KLC2: variants seen among roughly 807,000 people sequenced by gnomAD.
KLC2 encodes kinesin light chain 2.
In KLC2, 35 loss-of-function variants were observed where a neutral mutation model predicts 75.1. The observed-to-expected ratio is 0.47, with a 90% CI of 0.36 to 0.62. The LOEUF (loss-of-function observed/expected upper bound fraction) is 0.62, where lower values mean the gene tolerates loss of function less well. Among genes scored for constraint, KLC2 ranks in the 20% least tolerant of loss-of-function variants. The probability of loss-of-function intolerance (pLI) is 0.00; values close to 1 mark genes in which losing one functional copy is unlikely to be tolerated. For synonymous variants in KLC2, 314 were observed against 336.7 expected (o/e 0.93, Z 0.74); for missense variants, 611 against 833.2 (o/e 0.73, Z 3.28).
rs1235135771 is a variant in KLC2 at position 66,264,177 on chromosome 11, C to T, written c.1074C>T (p.Leu358=). 2.0e-5 allele frequency: 31 copies of T among 1,571,482 alleles called. No homozygotes were observed. Among genetic ancestry groups the T allele is most frequent in the Admixed American group, 3.8e-5 (2 of 53,122 alleles). ...CACTGGAGATCTATGCTACACGCCT[C>T]GGGCCCGATGACCCCAATGTGGCCA... ...RRALEIYATR[L]GPDDPNVAKT... is the part of the protein sequence containing the mutation. Residue 358 remains leucine, a synonymous_variant, in exon 8 of 16, where the codon CTC becomes CTT. Transcript: ENST00000394067.
chr11:66,258,588 C>T lies in KLC2; in HGVS notation c.-7C>T. On this transcript the variant is annotated 5_prime_UTR_variant, in exon 2 of 16. Transcript: ENST00000394067. ...CCCGCACCCTCGTCCTCACAGACGC[C>T]ACAGCCATGGCCATGATGGTGTTTC... 1 of 1,606,426 alleles carries T rather than the reference C, an allele frequency of 6.2e-7. No individual in the cohort carries two copies. The highest frequency in any genetic ancestry group is 1.1e-5 in the South Asian group (1 of 90,938).
the KLC2 span, among the ~76,000 whole-genome samples, chr11:66,247,041 C>T: frequency 3.6e-4 from 55 of 152,270 alleles, no homozygotes; most frequent in East Asian, 7.0e-3. Context: ...GAAATGTGCT[C>T]CCCTGGGGAG....
the KLC2 span, among the ~76,000 whole-genome samples, chr11:66,251,178 G>C: frequency 3.3e-5 from 5 of 152,212 alleles, no homozygotes; most frequent in South Asian, 1.0e-3. Context: ...GAATTAATAG[G>C]TTTTGGTAGC....
chr11:66,261,601 A>G (rs1856423568), intron 2 of KLC2, 141 bp from the exon 3 acceptor site: 1 of 604,076 alleles, frequency 1.7e-6, no homozygotes, highest in Non-Finnish European at 2.9e-6. Flanking sequence ...TCCCTTGACA[A>G]GCAGAGAAAA....
At chr11:66,265,592 C>A in intron 11 of KLC2, 63 bp from the exon 12 acceptor site, 1 of 1,364,130 alleles carries the variant, frequency 7.3e-7, no homozygotes, top group Non-Finnish European at 1.0e-6. Context: ...CCACTGTGGG[C>A]TGGGTGCCAG....
At position 66,266,999 on chromosome 11, in the gene KLC2, C is replaced by T. The variant is rs753417076; in HGVS notation, c.*43C>T. ...GTCACCAGAGCGCCCACCTGGCACA[C>T]CCCCCTCACCCCAGCCCTGCGCATG... On this transcript the variant is annotated 3_prime_UTR_variant, in exon 16 of 16. Coordinates refer to ENST00000394067, the MANE Select transcript of KLC2 (RefSeq NM_001318734.2). 1.9e-6 allele frequency: 3 copies of T among 1,604,946 alleles called. No homozygotes were observed. The highest frequency in any genetic ancestry group is 2.5e-6 in the Non-Finnish European group (3 of 1,178,994).
Position 66,267,509 on chromosome 11 carries a change from C to A in KLC2, c.*553C>A. On this transcript the variant is annotated 3_prime_UTR_variant, in exon 16 of 16. Transcript: ENST00000394067. ...GGGAGCGGCGCCTCCCAAGGGGGTC[C>A]TGGGACCTTCTCGCGCTCCTCCTGG... 1 of 679,988 alleles carries A rather than the reference C, an allele frequency of 1.5e-6. No homozygotes were observed. Among genetic ancestry groups the A allele is most frequent in the Non-Finnish European group, 2.7e-6 (1 of 364,372 alleles). The allele number at this position is 679,988 out of a possible 1,614,324, so 42.1% of individuals were successfully genotyped here. A position where few individuals can be genotyped will look rare whatever the true frequency, so the allele number is the denominator to read the frequency against.
At chr11:66,256,995 C>T (rs1213538391), upstream of KLC2, among the ~76,000 whole-genome samples, 3 of 152,168 alleles carry the variant, frequency 2.0e-5, no homozygotes, top group African/African-American at 7.2e-5. Flanking sequence ...CCAGGGGCAG[C>T]CCAGGGAAGA....
At chr11:66,252,904 TGTCCAAGGTAG>T (rs1855975565), upstream of KLC2, among the ~76,000 whole-genome samples, 1 of 151,846 alleles carries the variant, frequency 6.6e-6, no homozygotes, top group East Asian at 1.9e-4. Context: ...CAACTAGTGG[TGTCCAAGGTAG>T]ACAAGGGCCC....
the KLC2 span, among the ~76,000 whole-genome samples, chr11:66,245,703 A>C: frequency 3.4e-5 from 5 of 148,798 alleles, no homozygotes; most frequent in African/African-American, 1.3e-4. Flanking sequence ...CGACACAGCG[A>C]GACTCCGTCT....
chr11:66,254,432 G>A (rs757152387), upstream of KLC2, among the ~76,000 whole-genome samples: 15 of 152,012 alleles, frequency 9.9e-5, no homozygotes, highest in East Asian at 1.9e-4. Context: ...TTGGGAGGCC[G>A]AGGTGGGATG....
At chr11:66,255,163 C>T (rs940789729), upstream of KLC2, among the ~76,000 whole-genome samples, 12 of 152,172 alleles carry the variant, frequency 7.9e-5, no homozygotes, top group Non-Finnish European at 1.8e-4. Context: ...GCAGACTTAC[C>T]AAAATGCAAT....
At chr11:66,261,132 T>C (rs1856383473) in intron 2 of KLC2, 1 of 150,176 alleles carries the variant, frequency 6.7e-6, no homozygotes, top group Non-Finnish European at 1.5e-5. Flanking sequence ...AGGAAGAGAC[T>C]GGAAACTAAG....
upstream of KLC2, among the ~76,000 whole-genome samples, chr11:66,255,271 A>G (rs1190059152): frequency 6.6e-6 from 1 of 151,850 alleles, no homozygotes; most frequent in Non-Finnish European, 1.5e-5. Flanking sequence ...GCTCACTGCA[A>G]CCTCCACCTC....
At chr11:66,266,066 C>T in intron 13 of KLC2, 27 bp from the exon 14 acceptor site, 2 of 1,613,922 alleles carry the variant, frequency 1.2e-6, no homozygotes, top group South Asian at 1.1e-5. Flanking sequence ...GCCAGCGGGG[C>T]CTAGAGGCAA....
chr11:66,266,649 A>G lies in KLC2; in HGVS notation c.1785+159A>G, dbSNP rs75648128. On this transcript the variant is annotated intron_variant, in intron 15 of 15. Transcript: ENST00000394067. ...CAACGGGGAGACACGAGGGGAACCC[A>G]GCCTCTCCTGGGGGTGGACGTGTAA... 1,709 of 891,284 alleles carry G rather than the reference A, an allele frequency of 1.9e-3. 42 individuals carry two copies. In the East Asian group the frequency reaches 0.038, roughly 20 times the overall value. The allele number at this position is 891,284 out of a possible 1,614,324, so 55.2% of individuals were successfully genotyped here. A position where few individuals can be genotyped will look rare whatever the true frequency, so the allele number is the denominator to read the frequency against.
At chr11:66,262,752 C>T in intron 4 of KLC2, 62 bp from the exon 5 acceptor site, 2 of 1,231,122 alleles carry the variant, frequency 1.6e-6, no homozygotes, top group East Asian at 2.3e-5. Context: ...GCACAGCTGG[C>T]ATGTGCCATC....
At chr11:66,266,677 G>A (rs769588241) in intron 15 of KLC2, 187 bp downstream of exon 15, 18 of 845,272 alleles carry the variant, frequency 2.1e-5, no homozygotes, top group African/African-American at 5.0e-5. Context: ...ACGTGTAAAC[G>A]GCCAGTGCTA....
rs1426713834 is a variant in KLC2, at chr11:66,257,811, G to GCGGGTC, written c.-66_-61dup. 6.5e-6 allele frequency: 1 copy of GCGGGTC among 152,778 alleles called. No homozygotes were observed. Among genetic ancestry groups the GCGGGTC allele is most frequent in the Non-Finnish European group, 1.5e-5 (1 of 68,488 alleles). The allele number at this position is 152,778 out of a possible 1,614,324, so 9.5% of individuals were successfully genotyped here. The stretch of plus-strand genomic sequence containing the variant: ...GAGGCGGCGGGACCGGCTCGCGGGT[G>GCGGGTC]CGGGTCCGGGTGAAGCGGGAGGCAG... On this transcript the variant is annotated 5_prime_UTR_variant, in exon 1 of 16. An upstream open reading frame in the 5' UTR loses its in-frame stop. Coordinates refer to ENST00000394067, the MANE Select transcript of KLC2 (RefSeq NM_001318734.2).
Sources: gnomAD v4.1 joint callset for allele counts (sites outside exome capture counted in the v4.1 genomes callset) on GRCh38, gnomAD v4.1.1 for gene constraint, MANE v1.5 for transcripts, NCBI Gene and HGNC (gene_info 2026-07-23, HGNC 2026-07-21) for gene names.